TMEM217B: variants seen among roughly 807,000 people sequenced by gnomAD.
The protein encoded by TMEM217B is putative transmembrane protein 217B.
chr6:37,212,385 C>T, the TMEM217B span: 9 of 385,768 alleles, frequency 2.3e-5, no homozygotes, highest in African/African-American at 1.9e-4. Context: ...AACACCATTC[C>T]CTCCCACCTT....
the TMEM217B span, among the ~76,000 whole-genome samples, chr6:37,252,746 C>T: frequency 6.7e-5 from 10 of 149,882 alleles, no homozygotes; most frequent in Admixed American, 1.3e-4. Flanking sequence ...CTCAAGTGAT[C>T]CTCCCACCTC....
At chr6:37,252,508 A>G in the TMEM217B span, among the ~76,000 whole-genome samples, 11 of 151,618 alleles carry the variant, frequency 7.3e-5, no homozygotes, top group East Asian at 1.2e-3. Flanking sequence ...GCATATATAT[A>G]TGCACACACA....
the TMEM217B span, among the ~76,000 whole-genome samples, chr6:37,226,578 T>C: frequency 2.6e-5 from 4 of 151,672 alleles, no homozygotes; most frequent in South Asian, 8.3e-4. Context: ...ATTACAGGCG[T>C]GAGCCACTGC....
the TMEM217B span, among the ~76,000 whole-genome samples, chr6:37,230,330 A>G: frequency 6.6e-6 from 1 of 152,270 alleles, no homozygotes; most frequent in East Asian, 1.9e-4. Context: ...TTGCGTACTC[A>G]CAGGTGTGAT....
chr6:37,230,655 C>T, the TMEM217B span, among the ~76,000 whole-genome samples: 1 of 152,164 alleles, frequency 6.6e-6, no homozygotes, highest in Non-Finnish European at 1.5e-5. Context: ...CCCAACGCTA[C>T]TGACACCTTG....
chr6:37,239,542 AG>A, the TMEM217B span, among the ~76,000 whole-genome samples: 1 of 152,184 alleles, frequency 6.6e-6, no homozygotes, highest in Non-Finnish European at 1.5e-5. Context: ...AAAGCATTGA[AG>A]CATAGTGTAA....
the TMEM217B span, among the ~76,000 whole-genome samples, chr6:37,235,937 T>C: frequency 1.3e-5 from 2 of 152,172 alleles, no homozygotes; most frequent in Admixed American, 1.3e-4. Flanking sequence ...TTTCAACACA[T>C]GAATTTTGGA....
chr6:37,249,602 T>C, the TMEM217B span, among the ~76,000 whole-genome samples: 1 of 152,148 alleles, frequency 6.6e-6, no homozygotes, highest in Non-Finnish European at 1.5e-5. Flanking sequence ...ATTACAGGTG[T>C]AAGCCACCGC....
At chr6:37,245,457 C>G in the TMEM217B span, among the ~76,000 whole-genome samples, 1 of 152,230 alleles carries the variant, frequency 6.6e-6, no homozygotes, top group Non-Finnish European at 1.5e-5. Context: ...CCTCCCGATT[C>G]GAAGTCTAGA....
chr6:37,242,063 A>G, the TMEM217B span, among the ~76,000 whole-genome samples: 1 of 146,116 alleles, frequency 6.8e-6, no homozygotes, highest in African/African-American at 2.5e-5. Context: ...GGAGTCACAT[A>G]GAACCCCCTG....
At chr6:37,230,749 A>G in the TMEM217B span, among the ~76,000 whole-genome samples, 1 of 152,196 alleles carries the variant, frequency 6.6e-6, no homozygotes, top group Admixed American at 6.5e-5. Flanking sequence ...GCCCTAGCAA[A>G]CCAATAAAGG....
the TMEM217B span, among the ~76,000 whole-genome samples, chr6:37,221,442 C>T: frequency 6.6e-6 from 1 of 152,180 alleles, no homozygotes; most frequent in Non-Finnish European, 1.5e-5. Context: ...CCACCTCGGC[C>T]TCCCAAAGTG....
chr6:37,220,545 CT>C, the TMEM217B span, among the ~76,000 whole-genome samples: 92 of 145,722 alleles, frequency 6.3e-4, 1 homozygote, highest in South Asian at 9.4e-3. Flanking sequence ...CATAGCTGGC[CT>C]TTTTTTTTTT....
chr6:37,217,288 G>A, the TMEM217B span, among the ~76,000 whole-genome samples: 53 of 152,110 alleles, frequency 3.5e-4, no homozygotes, highest in African/African-American at 1.2e-3. Context: ...AGCCAGACTC[G>A]GTCTCAAAAA....
the TMEM217B span, among the ~76,000 whole-genome samples, chr6:37,242,312 C>A: frequency 6.6e-6 from 1 of 152,238 alleles, no homozygotes; most frequent in East Asian, 1.9e-4. Context: ...CTGTACCTCT[C>A]TATTCCCCCC....
chr6:37,251,164 A>G, the TMEM217B span, among the ~76,000 whole-genome samples: 15 of 152,344 alleles, frequency 9.8e-5, no homozygotes, highest in African/African-American at 3.6e-4. Flanking sequence ...TGCTGTTTAC[A>G]AGCTACCCAA....
the TMEM217B span, among the ~76,000 whole-genome samples, chr6:37,250,703 G>A: frequency 9.9e-5 from 15 of 152,272 alleles, no homozygotes; most frequent in East Asian, 1.9e-4. Flanking sequence ...GCGTGTGCAC[G>A]CACACACACA....
chr6:37,253,892 C>T, the TMEM217B span, among the ~76,000 whole-genome samples: 2 of 152,174 alleles, frequency 1.3e-5, no homozygotes, highest in Non-Finnish European at 2.9e-5. Context: ...TTGGGATATG[C>T]CTACCTCTTT....
chr6:37,225,173 C>T, the TMEM217B span, among the ~76,000 whole-genome samples: 2 of 151,830 alleles, frequency 1.3e-5, no homozygotes, highest in Non-Finnish European at 2.9e-5. Flanking sequence ...GCACTCCAGC[C>T]TCGGTGACAG....
Sources: allele counts gnomAD v4.1 joint callset (sites outside exome capture counted in the v4.1 genomes callset), GRCh38; gene constraint gnomAD v4.1.1; transcripts MANE v1.5; gene names NCBI Gene and HGNC (gene_info 2026-07-23, HGNC 2026-07-21).